The following CNOT6 variants were observed in gnomAD, a reference collection of about 807,000 sequenced individuals.
CNOT6 encodes carbon catabolite repression 4 protein.
In CNOT6, 12 loss-of-function variants were observed where a neutral mutation model predicts 61.2. That is an observed-to-expected ratio of 0.20 (90% CI 0.13 to 0.32). The LOEUF (loss-of-function observed/expected upper bound fraction) is 0.32. Ranked by LOEUF, CNOT6 falls within the 10% of genes least tolerant of loss-of-function variation. CNOT6 has a pLI of 1.00. For synonymous variants in CNOT6, 225 were observed against 240.6 expected, an observed-to-expected ratio of 0.94 and a Z score of 0.60; for missense variants, 405 against 663.9, an observed-to-expected ratio of 0.61 and a Z score of 4.28.
At chr5:180,549,294 A>G (rs1268031185) in intron 2 of CNOT6, among the ~76,000 whole-genome samples, 1 of 152,174 alleles carries the variant, frequency 6.6e-6, no homozygotes, top group Non-Finnish European at 1.5e-5. Context: ...TGACGTTCAG[A>G]TATTGGATTT....
intron 1 of CNOT6, among the ~76,000 whole-genome samples, chr5:180,502,580 A>G (rs906185316): frequency 3.9e-5 from 6 of 152,254 alleles, no homozygotes; most frequent in African/African-American, 1.2e-4. Context: ...ATCATTAGAC[A>G]TGGTCATTTT....
chr5:180,518,688 G>A (rs1272280318), intron 1 of CNOT6, among the ~76,000 whole-genome samples: 2 of 152,150 alleles, frequency 1.3e-5, no homozygotes, highest in Non-Finnish European at 2.9e-5. Flanking sequence ...TTGTAGAGAT[G>A]AGGGAACTCC....
At chr5:180,549,321 A>G (rs1334665329) in intron 2 of CNOT6, among the ~76,000 whole-genome samples, 2 of 152,228 alleles carry the variant, frequency 1.3e-5, no homozygotes, top group African/African-American at 4.8e-5. Context: ...ACTATAAATT[A>G]ATCATATTTC....
chr5:180,529,738 G>A (rs1210369013), intron 2 of CNOT6, among the ~76,000 whole-genome samples: 1 of 152,192 alleles, frequency 6.6e-6, no homozygotes, highest in Non-Finnish European at 1.5e-5. Context: ...TGATAAAGTA[G>A]GATTGAGCTT....
chr5:180,565,512 A>C (rs1315133570), intron 6 of CNOT6, among the ~76,000 whole-genome samples: 1 of 152,198 alleles, frequency 6.6e-6, no homozygotes, highest in Non-Finnish European at 1.5e-5. Context: ...TGGTAGAAGG[A>C]GTATAGAAAT....
chr5:180,571,298 A>G lies in CNOT6; in HGVS notation c.1327A>G (p.Asn443Asp). ...NHKDFKELRY[N>D]ESLTNFSCHG... ...CAAAGACTTTAAGGAGTTGAGGTAT[A>G]ATGAAAGTCTCACAAACTTCAGCTG... The change falls in exon 11 of 12, where the codon AAT becomes GAT. Residue 443 changes from asparagine to aspartate, a missense_variant. Coordinates refer to ENST00000261951, the MANE Select transcript of CNOT6 (RefSeq NM_001370472.1). 1.2e-6 allele frequency: 2 copies of G among 1,614,050 alleles called. No homozygotes were observed. The highest frequency in any genetic ancestry group is 3.3e-4 in the Middle Eastern group (2 of 6,058).
chr5:180,567,779 G>A (rs1760537288), intron 8 of CNOT6, 70 bp from the exon 9 acceptor site: 4 of 1,605,668 alleles, frequency 2.5e-6, no homozygotes, highest in East Asian at 2.2e-5. Flanking sequence ...GGAAAACTGC[G>A]TTTCCCACAA....
intron 4 of CNOT6, among the ~76,000 whole-genome samples, chr5:180,556,627 C>T (rs1403810467): frequency 6.6e-6 from 1 of 152,160 alleles, no homozygotes; most frequent in Non-Finnish European, 1.5e-5. Context: ...TGTTCCTGCC[C>T]CAGCTCACTG....
chr5:180,497,449 G>T (rs1756666145), intron 1 of CNOT6, among the ~76,000 whole-genome samples: 1 of 151,930 alleles, frequency 6.6e-6, no homozygotes, highest in South Asian at 2.1e-4. Flanking sequence ...GATAATATAT[G>T]TAAGACATAT....
At chr5:180,527,694 G>A (rs1758163145) in intron 1 of CNOT6, among the ~76,000 whole-genome samples, 2 of 152,144 alleles carry the variant, frequency 1.3e-5, no homozygotes, top group Non-Finnish European at 2.9e-5. Flanking sequence ...TGGGAAGCAC[G>A]TAATGTCTGG....
rs765774472 is a variant in CNOT6, at chr5:180,550,011, C to T, written c.193C>T (p.Arg65Ter). The T allele has an allele frequency of 1.2e-6, 2 of 1,613,812 alleles. No individual in the cohort carries two copies. Among genetic ancestry groups the T allele is most frequent in the Non-Finnish European group, 8.5e-7 (1 of 1,179,878 alleles). The change falls in exon 3 of 12, where the codon CGA becomes TGA. Residue 65 changes from arginine to a stop codon, truncating the protein, a stop_gained. Coordinates refer to ENST00000261951, the MANE Select transcript of CNOT6 (RefSeq NM_001370472.1). LOFTEE classifies it high-confidence loss of function. ...ALHLSDNSLS[R>*]IPSDIAKLHN... The stretch of plus-strand genomic sequence containing the variant: ...GCATTTGAGTGACAATTCCCTGTCC[C>T]GAATTCCTTCAGACATTGCCAAGCT...
At chr5:180,498,156 C>T (rs749562552) in intron 1 of CNOT6, among the ~76,000 whole-genome samples, 1 of 151,894 alleles carries the variant, frequency 6.6e-6, no homozygotes, top group Middle Eastern at 3.4e-3. Flanking sequence ...AAGTAATTAG[C>T]GAGGTGGGGG....
chr5:180,524,214 T>C (rs1021449425), intron 1 of CNOT6, among the ~76,000 whole-genome samples: 1 of 152,224 alleles, frequency 6.6e-6, no homozygotes, highest in Non-Finnish European at 1.5e-5. Context: ...AGGTGTTTTT[T>C]GGAATACTTT....
chr5:180,562,636 A>G (rs1280457705), intron 4 of CNOT6, among the ~76,000 whole-genome samples: 1 of 152,144 alleles, frequency 6.6e-6, no homozygotes, highest in Non-Finnish European at 1.5e-5. Context: ...GCTACCTGGG[A>G]GGCTGAGGCA....
rs533135736 is a variant in CNOT6 at position 180,513,144 on chromosome 5, G to A, written c.-2-16131G>A. On this transcript the variant is annotated intron_variant, in intron 1 of 11. Transcript: ENST00000261951. The stretch of plus-strand genomic sequence containing the variant: ...GAACTCCTGACCTCGTGATCCACCC[G>A]CCTTGGCCTCCCAAAATCCTGGGAT... Among the ~76,000 whole-genome samples the A allele has an allele frequency of 5.3e-5, 8 of 151,902 alleles. No homozygotes were observed. In the South Asian group the frequency reaches 1.7e-3, roughly 32 times the overall value.
chr5:180,501,173 C>T lies in CNOT6; in HGVS notation c.-3+6410C>T, dbSNP rs117833623. ...TCATGTAACATACTTTTTCAGGAGG[C>T]ACATAATGAAAATGTAGAAGCTGGA... On this transcript the variant is annotated intron_variant, in intron 1 of 11. Transcript: ENST00000261951. Among the ~76,000 whole-genome samples, 64 of 152,120 alleles carry T rather than the reference C, an allele frequency of 4.2e-4. No homozygotes were observed. The East Asian group carries it at 0.012, about 28-fold the overall frequency.
intron 4 of CNOT6, among the ~76,000 whole-genome samples, chr5:180,557,115 A>T (rs996601412): frequency 3.3e-5 from 5 of 152,144 alleles, no homozygotes; most frequent in Admixed American, 3.3e-4. Context: ...TATGATATAA[A>T]TGTCTCGTGG....
Position 180,576,026 on chromosome 5 carries a change from G to A in CNOT6, c.*1826G>A, listed in dbSNP as rs936673734. The A allele has an allele frequency of 1.3e-5, 2 of 151,692 alleles. No individual in the cohort carries two copies. The highest frequency in any genetic ancestry group is 2.9e-5 in the Non-Finnish European group (2 of 67,872). 9.4% of individuals were successfully genotyped at this position (151,692 alleles called of 1,614,324 possible). Reference sequence around the variant, plus strand: ...GATTTCATTGTGATGTTTTGGTTTTGTTTTTTGCTTTTTGTTTAAGTTGTG... The same window carrying A: ...GATTTCATTGTGATGTTTTGGTTTTATTTTTTGCTTTTTGTTTAAGTTGTG... On this transcript the variant is annotated 3_prime_UTR_variant, in exon 12 of 12. Transcript: ENST00000261951.
chr5:180,502,886 TCAG>T (rs759571674), intron 1 of CNOT6, among the ~76,000 whole-genome samples: 70 of 152,220 alleles, frequency 4.6e-4, no homozygotes, highest in Non-Finnish European at 7.6e-4. Context: ...AGTAAACACT[TCAG>T]CATCATAAAA....
Sources: allele counts gnomAD v4.1 joint callset (sites outside exome capture counted in the v4.1 genomes callset), GRCh38; gene constraint gnomAD v4.1.1; transcripts MANE v1.5; gene names NCBI Gene and HGNC (gene_info 2026-07-23, HGNC 2026-07-21).